The following CDH4 variants were observed in gnomAD, a reference collection of about 807,000 sequenced individuals.
The protein encoded by CDH4 is cadherin 4, also known as cadherin-4.
A neutral mutation model predicts 86.0 loss-of-function variants in CDH4; 33 were observed. The ratio of observed to expected loss-of-function variants is 0.38; its 90% CI spans 0.29 to 0.51. The LOEUF (loss-of-function observed/expected upper bound fraction) is 0.51. CDH4 is among the 20% of genes least tolerant of loss of function. CDH4 has a pLI of 0.86. For missense variants in CDH4, 1,114 were observed against 1,307.4 expected (o/e 0.85, Z 2.28); for synonymous variants, 555 against 549.4 (o/e 1.01, Z -0.14).
At chr20:61,921,292 A>C (rs2054980397) in intron 9 of CDH4, among the ~76,000 whole-genome samples, 1 of 152,206 alleles carries the variant, frequency 6.6e-6, no homozygotes, top group Non-Finnish European at 1.5e-5. Flanking sequence ...GATTGCATGG[A>C]AGCGTGGTGT....
At chr20:61,321,148 A>G (rs1451808595) in intron 2 of CDH4, among the ~76,000 whole-genome samples, 1 of 152,152 alleles carries the variant, frequency 6.6e-6, no homozygotes, top group Non-Finnish European at 1.5e-5. Flanking sequence ...TGCGAGAGAG[A>G]GGAAGAGAGA....
chr20:61,569,477 A>G lies in CDH4; in HGVS notation c.170-174086A>G, dbSNP rs73914862. On this transcript the variant is annotated intron_variant, in intron 2 of 15. Transcript: ENST00000614565. ...TCTCCCCTTTCTCTCTCTCACATCT[A>G]TCTCAGAATACACACAATATTTTCC... 6.6e-3 allele frequency among the ~76,000 whole-genome samples: 1,003 copies of G among 152,188 alleles called. 11 individuals carry two copies. The highest frequency in any genetic ancestry group is 0.022 in the African/African-American group (893 of 41,496).
intron 2 of CDH4, among the ~76,000 whole-genome samples, chr20:61,575,659 A>C (rs2145711977): frequency 6.6e-6 from 1 of 152,356 alleles, no homozygotes; most frequent in Non-Finnish European, 1.5e-5. Flanking sequence ...ACACAGCCAC[A>C]CCCATTCATT....
At chr20:61,333,489 C>G (rs1369941937) in intron 2 of CDH4, among the ~76,000 whole-genome samples, 2 of 152,202 alleles carry the variant, frequency 1.3e-5, no homozygotes, top group African/African-American at 2.4e-5. Context: ...GGGGACCCAG[C>G]ACAGAGCTCT....
chr20:61,915,067 G>T (rs893449663), intron 9 of CDH4, among the ~76,000 whole-genome samples: 4 of 152,186 alleles, frequency 2.6e-5, no homozygotes, highest in African/African-American at 9.7e-5. Context: ...ATCTCACTTG[G>T]TCCTCACGCC....
At chr20:61,674,919 C>T (rs1036515970) in intron 2 of CDH4, among the ~76,000 whole-genome samples, 1 of 152,370 alleles carries the variant, frequency 6.6e-6, no homozygotes, top group African/African-American at 2.4e-5. Flanking sequence ...ATACCTATTC[C>T]TGTACGTATT....
intron 2 of CDH4, among the ~76,000 whole-genome samples, chr20:61,740,219 G>A (rs2088317117): frequency 6.6e-6 from 1 of 152,182 alleles, no homozygotes; most frequent in Non-Finnish European, 1.5e-5. Flanking sequence ...AGTAAAGAGG[G>A]AAACCATTTT....
intron 2 of CDH4, chr20:61,370,872 G>C (rs1341501096): frequency 6.6e-6 from 1 of 151,490 alleles, no homozygotes; most frequent in African/African-American, 2.5e-5. Context: ...TGATGAACGA[G>C]CCTTCTGTCA....
At chr20:61,527,288 T>C (rs970622024) in intron 2 of CDH4, among the ~76,000 whole-genome samples, 3 of 152,104 alleles carry the variant, frequency 2.0e-5, no homozygotes, top group Non-Finnish European at 2.9e-5. Context: ...TCTCACTCTG[T>C]TGCCCAGGCT....
intron 2 of CDH4, among the ~76,000 whole-genome samples, chr20:61,298,621 C>T (rs2123199308): frequency 6.6e-6 from 1 of 150,890 alleles, no homozygotes; most frequent in East Asian, 2.0e-4. Flanking sequence ...TGAACAATAA[C>T]ATTTTTTTTC....
At chr20:61,530,111 C>A (rs970980479) in intron 2 of CDH4, among the ~76,000 whole-genome samples, 2 of 152,140 alleles carry the variant, frequency 1.3e-5, no homozygotes, top group Non-Finnish European at 2.9e-5. Context: ...CAACTCACTA[C>A]AACCTCCGCC....
intron 2 of CDH4, among the ~76,000 whole-genome samples, chr20:61,424,387 CAT>C (rs2085199632): frequency 6.6e-6 from 1 of 151,610 alleles, no homozygotes. Flanking sequence ...TATCCACACA[CAT>C]ATCCACACAC....
At position 61,516,648 on chromosome 20, in the gene CDH4, A is replaced by AC. The variant is rs571925468; in HGVS notation, c.170-226912dup. ...GAGCTATTTTAAAGCAAAGTATCAG[A>AC]CCCTCAGAGAGGCCGGATTGATTGT... On this transcript the variant is annotated intron_variant, in intron 2 of 15. Transcript: ENST00000614565. The surrounding 1 kb of genome is among the most constrained non-coding windows in gnomAD (Gnocchi z 4.0). 8.8e-4 allele frequency among the ~76,000 whole-genome samples: 134 copies of AC among 152,276 alleles called. No individual in the cohort carries two copies. Among genetic ancestry groups the AC allele is most frequent in the Admixed American group, 1.5e-3 (23 of 15,306 alleles).
At chr20:61,874,005 T>G in intron 7 of CDH4, 105 bp downstream of exon 7, 1 of 1,210,360 alleles carries the variant, frequency 8.3e-7, no homozygotes, top group Non-Finnish European at 1.2e-6. Flanking sequence ...CGGGGAGTGA[T>G]CGACAGTCTC....
intron 2 of CDH4, among the ~76,000 whole-genome samples, chr20:61,556,687 C>A (rs1243028162): frequency 6.6e-6 from 1 of 152,130 alleles, no homozygotes; most frequent in East Asian, 1.9e-4. Flanking sequence ...TAGAGGCCAC[C>A]CGTGTAAGCC....
At chr20:61,565,413 T>TTGGTGATGG (rs1410271133) in intron 2 of CDH4, among the ~76,000 whole-genome samples, 1 of 30,934 alleles carries the variant, frequency 3.2e-5, no homozygotes, top group African/African-American at 5.3e-4. Flanking sequence ...GGCGGTGCTC[T>TTGGTGATGG]TGCTATTGTT....
intron 4 of CDH4, among the ~76,000 whole-genome samples, chr20:61,809,443 A>C (rs1205722949): frequency 6.6e-6 from 1 of 152,260 alleles, no homozygotes; most frequent in East Asian, 1.9e-4. Flanking sequence ...ACCAATTCCC[A>C]GTTCCAAGTA....
rs368230400 is a variant in CDH4, at chr20:61,423,405, A to G, written c.169+168468A>G. Among the ~76,000 whole-genome samples the G allele has an allele frequency of 3.9e-4, 59 of 152,246 alleles. No homozygotes were observed. The East Asian group carries it at 6.2e-3, about 16-fold the overall frequency. On this transcript the variant is annotated intron_variant, in intron 2 of 15. Coordinates refer to ENST00000614565, the MANE Select transcript of CDH4 (RefSeq NM_001794.5). ...CCCCTCATTGCCAACCCTGACCCAG[A>G]CCTGTATGGGCAAGACATGTCTTTC...
chr20:61,770,667 A>C (rs1461506277), intron 3 of CDH4, among the ~76,000 whole-genome samples: 1 of 152,210 alleles, frequency 6.6e-6, no homozygotes, highest in Non-Finnish European at 1.5e-5. Flanking sequence ...GAGGATCACA[A>C]GGTCAGGAGA....
Sources: allele counts gnomAD v4.1 joint callset (sites outside exome capture counted in the v4.1 genomes callset), GRCh38; gene constraint gnomAD v4.1.1; non-coding constraint Gnocchi (gnomAD v3.1); transcripts MANE v1.5; gene names NCBI Gene and HGNC (gene_info 2026-07-23, HGNC 2026-07-21).